CDH23: variants seen among roughly 807,000 people sequenced by gnomAD.
The protein encoded by CDH23 is cadherin-23.
In CDH23, 189 loss-of-function variants were observed where a neutral mutation model predicts 317.1. That is an observed-to-expected ratio of 0.60 (90% CI 0.53 to 0.67). The LOEUF (loss-of-function observed/expected upper bound fraction) is 0.67, where lower values mean the gene tolerates loss of function less well. CDH23 is among the 30% of genes least tolerant of loss of function. CDH23 has a pLI of 0.00. For missense variants in CDH23, 4,401 were observed against 4,592.4 expected (o/e 0.96, Z 1.20); for synonymous variants, 1,839 against 1,876.8 (o/e 0.98, Z 0.52).
Position 71,505,116 on chromosome 10 carries a change from G to A in CDH23, c.146-4966G>A, listed in dbSNP as rs553849520. 3.3e-5 allele frequency among the ~76,000 whole-genome samples: 5 copies of A among 152,344 alleles called. No homozygotes were observed. In the East Asian group the frequency reaches 7.7e-4, roughly 24 times the overall value. ...TGTGATGAAGATTTAAGTGCAAGAAGCTTACTGGGGAGGAGGTTCCAGGAA... is the reference window on the plus strand; with the variant it reads ...TGTGATGAAGATTTAAGTGCAAGAAACTTACTGGGGAGGAGGTTCCAGGAA... On this transcript the variant is annotated intron_variant, in intron 3 of 69. Transcript: ENST00000224721.
At chr10:71,468,804 G>C (rs983671485) in intron 3 of CDH23, among the ~76,000 whole-genome samples, 5 of 152,178 alleles carry the variant, frequency 3.3e-5, no homozygotes, top group African/African-American at 1.2e-4. Context: ...CCTCTGCCGG[G>C]GCCCGGCAGG....
intron 9 of CDH23, among the ~76,000 whole-genome samples, chr10:71,601,969 G>C (rs983024723): frequency 6.6e-6 from 1 of 151,086 alleles, no homozygotes. Flanking sequence ...GGAGGGGGGG[G>C]GGCTCTGCAG....
chr10:71,672,996 G>C (rs533223422), intron 14 of CDH23, among the ~76,000 whole-genome samples: 26 of 152,134 alleles, frequency 1.7e-4, no homozygotes, highest in African/African-American at 6.3e-4. Context: ...CTAGCCTGCT[G>C]TCTCTCCTCT....
At chr10:71,612,390 G>GT (rs1298406425) in intron 9 of CDH23, among the ~76,000 whole-genome samples, 1 of 152,070 alleles carries the variant, frequency 6.6e-6, no homozygotes, top group Non-Finnish European at 1.5e-5. Flanking sequence ...GGAGTGGGCA[G>GT]TGTGTACGTG....
At chr10:71,717,076 A>T (rs1400900718) in intron 28 of CDH23, 1 of 152,152 alleles carries the variant, frequency 6.6e-6, no homozygotes, top group East Asian at 1.9e-4. Flanking sequence ...GATTCCTGTG[A>T]CTGCTTCCCC....
chr10:71,678,267 A>G (rs2132671426), intron 16 of CDH23, among the ~76,000 whole-genome samples: 1 of 152,202 alleles, frequency 6.6e-6, no homozygotes, highest in East Asian at 1.9e-4. Flanking sequence ...CTGCAGCTGG[A>G]AGGAGCCACA....
intron 14 of CDH23, among the ~76,000 whole-genome samples, chr10:71,651,553 C>CAAAAA (rs35848156): frequency 0.011 from 1,465 of 135,746 alleles, 31 homozygotes; most frequent in African/African-American, 0.038. Flanking sequence ...GACCCTATCT[C>CAAAAA]AAAAAAAAAA....
intron 2 of CDH23, among the ~76,000 whole-genome samples, chr10:71,441,482 G>A (rs916267544): frequency 6.6e-6 from 1 of 152,178 alleles, no homozygotes; most frequent in Non-Finnish European, 1.5e-5. Context: ...ACTTTGGGAA[G>A]CAGAGGTGGG....
chr10:71,402,751 G>A (rs754869351), intron 1 of CDH23, among the ~76,000 whole-genome samples: 17 of 151,862 alleles, frequency 1.1e-4, no homozygotes, highest in South Asian at 2.1e-4. Context: ...GTGTGCACGC[G>A]CGCGCGCGCA....
At position 71,751,561 on chromosome 10, in the gene CDH23, A is replaced by G; in HGVS notation, c.4845+9640A>G. ...CCCTCACCCTCAACCCCACCCCGTGAGGCCGTGGAACTCTTCAGGGAGGGC... is the reference window on the plus strand; with the variant it reads ...CCCTCACCCTCAACCCCACCCCGTGGGGCCGTGGAACTCTTCAGGGAGGGC... On this transcript the variant is annotated intron_variant, in intron 38 of 69. Transcript: ENST00000224721. This position sits in a 1 kb window ranked among gnomAD's most constrained non-coding sequence, Gnocchi z 4.9. 7.9e-7 allele frequency: 1 copy of G among 1,265,980 alleles called. No homozygotes were observed. Among genetic ancestry groups the G allele is most frequent in the East Asian group, 2.5e-5 (1 of 39,224 alleles). 78.4% of individuals were successfully genotyped at this position (1,265,980 alleles called of 1,614,324 possible).
chr10:71,402,613 A>T (rs535107362), intron 1 of CDH23, among the ~76,000 whole-genome samples: 1 of 152,206 alleles, frequency 6.6e-6, no homozygotes, highest in African/African-American at 2.4e-5. Context: ...ACTTACTTAT[A>T]TGTTAGGCAC....
chr10:71,729,897 C>T (rs1194467058), intron 30 of CDH23, among the ~76,000 whole-genome samples: 5 of 151,526 alleles, frequency 3.3e-5, no homozygotes, highest in African/African-American at 9.7e-5. Flanking sequence ...TGCAGTGGCG[C>T]GATCTTGGTT....
At chr10:71,464,466 AT>A (rs1347785675) in intron 3 of CDH23, among the ~76,000 whole-genome samples, 5 of 152,182 alleles carry the variant, frequency 3.3e-5, no homozygotes, top group Non-Finnish European at 7.4e-5. Context: ...TCCAGCAGTC[AT>A]TCCCCCACTG....
Position 71,734,356 on chromosome 10 carries a change from G to A in CDH23, c.4206+15G>A. The A allele has an allele frequency of 6.3e-7, 1 of 1,595,854 alleles. No homozygotes were observed. On this transcript the variant is annotated intron_variant, in intron 33 of 69. Transcript: ENST00000224721. ...ACTCCACCGTGGTGAGTGGGACCAG[G>A]GTGAGAGTCCCTCAGGTGCGGCCCA... is the stretch of plus-strand genomic sequence containing the variant.
intron 3 of CDH23, among the ~76,000 whole-genome samples, chr10:71,451,326 G>A (rs1371093179): frequency 1.3e-5 from 2 of 152,308 alleles, no homozygotes; most frequent in East Asian, 3.9e-4. Flanking sequence ...CTGAGGCAGA[G>A]CCTGCTCCAA....
At chr10:71,791,032 G>A in intron 46 of CDH23, 100 bp from the exon 47 acceptor site, 1 of 880,268 alleles carries the variant, frequency 1.1e-6, no homozygotes, top group Non-Finnish European at 1.8e-6. Context: ...GTCCCATGGT[G>A]CCCCTGTCTT....
rs187543688 is a variant in CDH23 at position 71,482,520 on chromosome 10, T to C, written c.146-27562T>C. Among the ~76,000 whole-genome samples the C allele has an allele frequency of 1.4e-4, 21 of 152,268 alleles. 1 individual carries two copies. In the East Asian group the frequency reaches 1.7e-3, roughly 13 times the overall value. On this transcript the variant is annotated intron_variant, in intron 3 of 69. Transcript: ENST00000224721. Reference sequence around the variant, plus strand: ...TCTAGGCCATAGTGGACACCTGAGGTTGGGGGGACAGGCCCCATAGGAATG... The same window carrying C: ...TCTAGGCCATAGTGGACACCTGAGGCTGGGGGGACAGGCCCCATAGGAATG...
intron 53 of CDH23, among the ~76,000 whole-genome samples, chr10:71,801,739 G>A (rs1841563627): frequency 6.6e-6 from 1 of 152,142 alleles, no homozygotes; most frequent in African/African-American, 2.4e-5. Context: ...CAGCTGAATG[G>A]GCCAAGACCA....
intron 11 of CDH23, among the ~76,000 whole-genome samples, chr10:71,624,097 G>C (rs1048959671): frequency 1.3e-5 from 2 of 152,300 alleles, no homozygotes; most frequent in Middle Eastern, 3.4e-3. Context: ...GTAGGAAGGG[G>C]AAGGTGCCGC....
Sources: gnomAD v4.1 joint callset for allele counts (sites outside exome capture counted in the v4.1 genomes callset) on GRCh38, gnomAD v4.1.1 for gene constraint, Gnocchi (gnomAD v3.1) non-coding constraint, MANE v1.5 for transcripts, NCBI Gene and HGNC (gene_info 2026-07-23, HGNC 2026-07-21) for gene names.